Variants in PIP5K1C observed in about 807,000 individuals in gnomAD.
PIP5K1C encodes the protein phosphatidylinositol 4-phosphate 5-kinase type-1 gamma.
In PIP5K1C, 45 loss-of-function variants were observed where a neutral mutation model predicts 80.1. The ratio of observed to expected loss-of-function variants is 0.56; its 90% confidence interval spans 0.44 to 0.72. The LOEUF is 0.72. Among genes scored for constraint, PIP5K1C ranks in the 30% least tolerant of loss-of-function variants. The pLI is 0.00. For synonymous variants in PIP5K1C, 498 were observed against 420.1 expected, an observed-to-expected ratio of 1.19 and a Z score of -2.27; for missense variants, 753 against 954.6, an observed-to-expected ratio of 0.79 and a Z score of 2.78.
intron 1 of PIP5K1C, among the ~76,000 whole-genome samples, chr19:3,684,004 C>T (rs952776871): frequency 1.6e-4 from 24 of 151,726 alleles, no homozygotes; most frequent in African/African-American, 5.3e-4. Context: ...CCCACCACCC[C>T]GACCAGTGCT....
chr19:3,670,332 A>G (rs2035166380), intron 1 of PIP5K1C, among the ~76,000 whole-genome samples: 1 of 152,162 alleles, frequency 6.6e-6, no homozygotes, highest in Admixed American at 6.5e-5. Flanking sequence ...GTCATGCCGG[A>G]GTGGGGTGGG....
chr19:3,678,343 G>A (rs1568350226), intron 1 of PIP5K1C, among the ~76,000 whole-genome samples: 1 of 132,412 alleles, frequency 7.6e-6, no homozygotes, highest in Non-Finnish European at 1.6e-5. Flanking sequence ...CAGGGACAGA[G>A]GCATGGAGGG....
In PIP5K1C at chr19:3,648,949, C is replaced by T. The variant is rs142189948; in HGVS notation, c.1128-241G>A. 6.6e-6 allele frequency among the ~76,000 whole-genome samples: 1 copy of T among 152,248 alleles called. No homozygotes were observed. The highest frequency in any genetic ancestry group is 2.4e-5 in the African/African-American group (1 of 41,538). ...CCAGCTAGGAGGCCTGGGCACATACCCCCTACACACACGTGTGCCTGGACA... is the reference window on the plus strand; with the variant it reads ...CCAGCTAGGAGGCCTGGGCACATACTCCCTACACACACGTGTGCCTGGACA... On this transcript the variant is annotated intron_variant, in intron 8 of 17. Transcript: ENST00000335312. This position sits in a 1 kb window ranked among gnomAD's most constrained non-coding sequence, Gnocchi z 4.3.
At chr19:3,636,443 C>T (rs2033690026) in intron 16 of PIP5K1C, 1 of 985,316 alleles carries the variant, frequency 1.0e-6, no homozygotes, top group African/African-American at 1.7e-5. Context: ...CCCACGTCTG[C>T]CCCTTCAAGT....
In PIP5K1C at chr19:3,662,059, C is replaced by G. The variant is rs188261303; in HGVS notation, c.220-58G>C. ...CTGCTCCCCACGCTGCCCTGCACCC[C>G]CTGTGTGCACCGGGGGGTGGAGATC... On this transcript the variant is annotated intron_variant, in intron 3 of 17. Transcript: ENST00000335312. The G allele has an allele frequency of 1.2e-3, 1,820 of 1,531,466 alleles. 13 individuals are homozygous for G. The African/African-American group carries it at 0.02, about 17-fold the overall frequency. 94.9% of individuals were successfully genotyped at this position (1,531,466 alleles called of 1,614,324 possible).
intron 8 of PIP5K1C, among the ~76,000 whole-genome samples, chr19:3,650,295 C>A (rs2034389283): frequency 6.6e-6 from 1 of 152,238 alleles, no homozygotes; most frequent in African/African-American, 2.4e-5. Flanking sequence ...ATTTCCTCAG[C>A]TGGAAACAGG....
intron 6 of PIP5K1C, among the ~76,000 whole-genome samples, chr19:3,655,422 C>CATAA (rs917207766): frequency 6.6e-6 from 1 of 152,144 alleles, no homozygotes; most frequent in East Asian, 1.9e-4. Context: ...CGTCTCAAAA[C>CATAA]ATAAATAAAT....
At chr19:3,668,142 G>A (rs983012471) in intron 1 of PIP5K1C, among the ~76,000 whole-genome samples, 11 of 152,054 alleles carry the variant, frequency 7.2e-5, no homozygotes, top group Non-Finnish European at 1.5e-4. Flanking sequence ...TTGAGCCAAC[G>A]AGCCCAGGCC....
chr19:3,640,977 G>A (rs1042603017), intron 15 of PIP5K1C, among the ~76,000 whole-genome samples: 5 of 152,226 alleles, frequency 3.3e-5, no homozygotes, highest in Admixed American at 6.5e-5. Context: ...ATGAGCCACC[G>A]TGCCTGGCCA....
At chr19:3,642,000 G>A (rs2033982748) in intron 14 of PIP5K1C, among the ~76,000 whole-genome samples, 191 bp from the exon 15 acceptor site, 1 of 152,202 alleles carries the variant, frequency 6.6e-6, no homozygotes, top group African/African-American at 2.4e-5. Context: ...TGTGGTGCCA[G>A]CAGGGCCTGG....
intron 1 of PIP5K1C, among the ~76,000 whole-genome samples, chr19:3,694,187 G>A (rs1488827349): frequency 1.3e-5 from 2 of 150,460 alleles, no homozygotes; most frequent in Admixed American, 6.6e-5. Flanking sequence ...ACTCCAGCCC[G>A]GGCGAGACAG....
chr19:3,680,237 C>T (rs901658711), intron 1 of PIP5K1C, among the ~76,000 whole-genome samples: 13 of 152,228 alleles, frequency 8.5e-5, no homozygotes, highest in African/African-American at 2.9e-4. Context: ...CCAAAATCAG[C>T]AAGCATCTCT....
intron 1 of PIP5K1C, among the ~76,000 whole-genome samples, chr19:3,670,224 T>A (rs1600042159): frequency 6.6e-6 from 1 of 152,146 alleles, no homozygotes; most frequent in East Asian, 1.9e-4. Flanking sequence ...GGTGCGGGGT[T>A]GGACGGTGTC....
At chr19:3,687,933 G>T (rs994691358) in intron 1 of PIP5K1C, among the ~76,000 whole-genome samples, 1 of 152,226 alleles carries the variant, frequency 6.6e-6, no homozygotes, top group Admixed American at 6.5e-5. Flanking sequence ...TCGTTTCCCA[G>T]GGCCCCAATG....
Position 3,689,119 on chromosome 19 carries a change from G to T in PIP5K1C, c.94+11178C>A, listed in dbSNP as rs188497291. ...CTGCAGCCTCAAACTCCTGGGCTCA[G>T]TAATCCAGTTATTCTCCCACCTCAG... On this transcript the variant is annotated intron_variant, in intron 1 of 17. Coordinates refer to ENST00000335312, the MANE Select transcript of PIP5K1C (RefSeq NM_012398.3). Among the ~76,000 whole-genome samples the T allele has an allele frequency of 2.6e-5, 4 of 152,268 alleles. No individual in the cohort carries two copies. The East Asian group carries it at 5.8e-4, about 22-fold the overall frequency.
intron 1 of PIP5K1C, among the ~76,000 whole-genome samples, chr19:3,683,008 G>T (rs370009770): frequency 6.8e-6 from 1 of 147,338 alleles, no homozygotes; most frequent in African/African-American, 2.5e-5. Context: ...ACCAGGCTTG[G>T]TCCTGCCCTA....
intron 1 of PIP5K1C, among the ~76,000 whole-genome samples, chr19:3,693,806 G>A (rs2036018866): frequency 6.6e-6 from 1 of 152,208 alleles, no homozygotes; most frequent in African/African-American, 2.4e-5. Context: ...GCGCATGCCT[G>A]TAACCCCAGC....
At chr19:3,641,679 C>T (rs773485976) in intron 15 of PIP5K1C, 26 bp downstream of exon 15, 75 of 1,585,678 alleles carry the variant, frequency 4.7e-5, no homozygotes, top group Middle Eastern at 3.9e-4. Flanking sequence ...GTGGGCGCCC[C>T]GACCTCCCGC....
At chr19:3,636,448 T>C in intron 16 of PIP5K1C, 1 of 985,396 alleles carries the variant, frequency 1.0e-6, no homozygotes, top group East Asian at 1.1e-4. Context: ...GTCTGCCCCT[T>C]CAAGTCAGGT....
Sources: gnomAD v4.1 joint callset for allele counts (sites outside exome capture counted in the v4.1 genomes callset) on GRCh38, gnomAD v4.1.1 for gene constraint, Gnocchi (gnomAD v3.1) non-coding constraint, MANE v1.5 for transcripts, NCBI Gene and HGNC (gene_info 2026-07-23, HGNC 2026-07-21) for gene names.